ADAMTSL1: variants seen among roughly 807,000 people sequenced by gnomAD.
ADAMTSL1 encodes ADAMTS-like protein 1.
In ADAMTSL1, 126 loss-of-function variants were observed where a neutral mutation model predicts 201.8. The observed-to-expected ratio is 0.62, with a 90% CI of 0.54 to 0.72. The LOEUF (loss-of-function observed/expected upper bound fraction) is 0.72, where lower values mean the gene tolerates loss of function less well. ADAMTSL1 is among the 30% of genes least tolerant of loss of function. ADAMTSL1 has a pLI of 0.00. For missense variants in ADAMTSL1, 2,679 were observed against 2,277.8 expected, an observed-to-expected ratio of 1.18 and a Z score of -3.59; for synonymous variants, 1,121 against 903.4, an observed-to-expected ratio of 1.24 and a Z score of -4.32.
At chr9:18,823,268 A>G (rs753452484) in intron 21 of ADAMTSL1, among the ~76,000 whole-genome samples, 2 of 152,196 alleles carry the variant, frequency 1.3e-5, no homozygotes, top group South Asian at 4.2e-4. Context: ...TGTCAGGTCC[A>G]TGGTTCCAGG....
chr9:18,623,533 T>C (rs528901354), intron 5 of ADAMTSL1, among the ~76,000 whole-genome samples: 1 of 152,240 alleles, frequency 6.6e-6, no homozygotes, highest in Admixed American at 6.5e-5. Flanking sequence ...GCAAAGCAGA[T>C]AGATGGATCA....
intron 1 of ADAMTSL1, among the ~76,000 whole-genome samples, chr9:18,009,792 C>T (rs1056433587): frequency 6.6e-6 from 1 of 151,968 alleles, no homozygotes; most frequent in African/African-American, 2.4e-5. Context: ...ACTTAATGGT[C>T]ATTATGAAGC....
At chr9:18,054,885 G>A (rs529132441) in intron 1 of ADAMTSL1, among the ~76,000 whole-genome samples, 13 of 152,210 alleles carry the variant, frequency 8.5e-5, no homozygotes, top group East Asian at 1.9e-4. Flanking sequence ...CCCTGCCCCC[G>A]CAATCTTTTT....
chr9:18,341,860 G>T (rs1252192883), intron 2 of ADAMTSL1, among the ~76,000 whole-genome samples: 3 of 152,064 alleles, frequency 2.0e-5, no homozygotes, highest in Non-Finnish European at 4.4e-5. Context: ...ACTGAACCAA[G>T]TGTGCATTAA....
At chr9:18,653,172 G>A (rs1030017120) in intron 7 of ADAMTSL1, among the ~76,000 whole-genome samples, 4 of 152,198 alleles carry the variant, frequency 2.6e-5, no homozygotes, top group African/African-American at 9.7e-5. Context: ...AGGATGCAGA[G>A]ACAGAGAACT....
At chr9:18,855,456 A>G (rs529506823) in intron 23 of ADAMTSL1, among the ~76,000 whole-genome samples, 6 of 152,310 alleles carry the variant, frequency 3.9e-5, no homozygotes, top group Admixed American at 2.6e-4. Context: ...GAACCTATCA[A>G]AGCAAATCTT....
chr9:18,011,191 G>C (rs1820038136), intron 1 of ADAMTSL1, among the ~76,000 whole-genome samples: 1 of 151,992 alleles, frequency 6.6e-6, no homozygotes, highest in Non-Finnish European at 1.5e-5. Context: ...AGGTATGTCA[G>C]AAAATATCTT....
At chr9:18,810,806 T>C (rs1281913009) in intron 20 of ADAMTSL1, among the ~76,000 whole-genome samples, 1 of 152,128 alleles carries the variant, frequency 6.6e-6, no homozygotes, top group African/African-American at 2.4e-5. Flanking sequence ...AGTTACACTT[T>C]TCCCTATTCT....
chr9:18,330,440 T>G (rs1471062057), intron 2 of ADAMTSL1, among the ~76,000 whole-genome samples: 1 of 151,892 alleles, frequency 6.6e-6, no homozygotes, highest in Non-Finnish European at 1.5e-5. Flanking sequence ...ATCATAACCT[T>G]CTTTGTTTCA....
At chr9:18,843,510 GT>G (rs1162136695) in intron 23 of ADAMTSL1, among the ~76,000 whole-genome samples, 2 of 150,534 alleles carry the variant, frequency 1.3e-5, no homozygotes, top group Non-Finnish European at 2.9e-5. Flanking sequence ...ACAATTATGT[GT>G]CTTGGAGTTG....
At chr9:18,672,973 C>A (rs1829918088) in intron 9 of ADAMTSL1, among the ~76,000 whole-genome samples, 1 of 152,182 alleles carries the variant, frequency 6.6e-6, no homozygotes, top group Non-Finnish European at 1.5e-5. Context: ...AATGTAAGAA[C>A]TGTGTGCCTG....
At chr9:18,840,153 G>A (rs1201040010) in intron 23 of ADAMTSL1, among the ~76,000 whole-genome samples, 2 of 149,558 alleles carry the variant, frequency 1.3e-5, no homozygotes, top group Non-Finnish European at 3.0e-5. Flanking sequence ...TTCTTCTAGG[G>A]TTTTTATGGT....
rs796386185 is a variant in ADAMTSL1, at chr9:18,362,728, A to G, written c.208-142101A>G. 9.3e-4 allele frequency among the ~76,000 whole-genome samples: 142 copies of G among 152,290 alleles called. 1 individual carries two copies. The highest frequency in any genetic ancestry group is 2.9e-3 in the African/African-American group (119 of 41,574). On this transcript the variant is annotated intron_variant, in intron 2 of 29. Transcript: ENST00000680146. ...GATAAATCAAGATTTCCTTCTCTGAATGAGTCTTTCATCAGTGTCTAATTT... is the reference window on the plus strand; with the variant it reads ...GATAAATCAAGATTTCCTTCTCTGAGTGAGTCTTTCATCAGTGTCTAATTT...
At chr9:18,309,696 A>G (rs184638304) in intron 2 of ADAMTSL1, among the ~76,000 whole-genome samples, 127 of 152,234 alleles carry the variant, frequency 8.3e-4, no homozygotes, top group African/African-American at 2.5e-3. Context: ...ACACAAACAA[A>G]TAGAAAAGCA....
intron 7 of ADAMTSL1, among the ~76,000 whole-genome samples, chr9:18,641,748 C>A (rs1395422961): frequency 6.6e-6 from 1 of 151,864 alleles, no homozygotes; most frequent in Non-Finnish European, 1.5e-5. Flanking sequence ...AAACAACTTT[C>A]TCTTCCCTAA....
At chr9:18,303,564 A>T (rs1291805940) in intron 2 of ADAMTSL1, among the ~76,000 whole-genome samples, 1 of 152,154 alleles carries the variant, frequency 6.6e-6, no homozygotes. Flanking sequence ...AGTGGGTTTC[A>T]TGTTTAAGCA....
chr9:18,197,856 T>C (rs1397436204), intron 2 of ADAMTSL1, among the ~76,000 whole-genome samples: 2 of 151,978 alleles, frequency 1.3e-5, no homozygotes, highest in African/African-American at 4.8e-5. Flanking sequence ...GACTTCAAAC[T>C]ATACTACAAG....
chr9:18,178,186 A>C (rs1402401594), intron 2 of ADAMTSL1, among the ~76,000 whole-genome samples: 2 of 152,210 alleles, frequency 1.3e-5, no homozygotes, highest in Non-Finnish European at 2.9e-5. Context: ...GCGCGAGCCG[A>C]AGCAGGGCGA....
intron 13 of ADAMTSL1, among the ~76,000 whole-genome samples, chr9:18,701,037 C>T (rs1831892415): frequency 1.3e-5 from 2 of 152,132 alleles, no homozygotes; most frequent in South Asian, 4.1e-4. Context: ...CAATCAACTG[C>T]ATTCCACTAG....
Sources: gnomAD v4.1 joint callset for allele counts (sites outside exome capture counted in the v4.1 genomes callset) on GRCh38, gnomAD v4.1.1 for gene constraint, MANE v1.5 for transcripts, NCBI Gene and HGNC (gene_info 2026-07-23, HGNC 2026-07-21) for gene names.